The following PDE11A variants were observed in gnomAD, a reference collection of about 807,000 sequenced individuals.
The protein encoded by PDE11A is phosphodiesterase 11A.
Under a neutral mutation model 100.5 loss-of-function variants are expected in PDE11A, and 100 were observed. That is an observed-to-expected ratio of 1.00 (90% CI 0.85 to 1.18). The LOEUF (loss-of-function observed/expected upper bound fraction) is 1.18, where lower values mean the gene tolerates loss of function less well. Among genes scored for constraint, PDE11A ranks in the 50% most tolerant of loss-of-function variants. The pLI is 0.00. For synonymous variants in PDE11A, 381 were observed against 420.8 expected, an observed-to-expected ratio of 0.91 and a Z score of 1.16; for missense variants, 1,141 against 1,152.6, an observed-to-expected ratio of 0.99 and a Z score of 0.15.
intron 2 of PDE11A, among the ~76,000 whole-genome samples, chr2:178,089,133 C>G (rs2087391309): frequency 6.6e-6 from 1 of 152,108 alleles, no homozygotes; most frequent in African/African-American, 2.4e-5. Flanking sequence ...GGAATTAGGC[C>G]TTCCACAATT....
intron 15 of PDE11A, among the ~76,000 whole-genome samples, chr2:177,686,305 G>C (rs372477241): frequency 5.3e-5 from 8 of 152,176 alleles, no homozygotes; most frequent in African/African-American, 1.7e-4. Flanking sequence ...AGTGGGTCAC[G>C]CCTGTAATCC....
rs370430282 is a variant in PDE11A, at chr2:178,024,059, G to C, written c.913-9599C>G. On this transcript the variant is annotated intron_variant, in intron 1 of 19. Transcript: ENST00000286063. Reference sequence around the variant, plus strand: ...TGGTAGGGGGAGGGGCCCTGGAGGGGATCTGACTTCTGGCTGTTTGTCAGG... The same window carrying C: ...TGGTAGGGGGAGGGGCCCTGGAGGGCATCTGACTTCTGGCTGTTTGTCAGG... 2.6e-5 allele frequency among the ~76,000 whole-genome samples: 4 copies of C among 152,216 alleles called. No individual in the cohort carries two copies. The East Asian group carries it at 7.7e-4, about 29-fold the overall frequency.
intron 5 of PDE11A, among the ~76,000 whole-genome samples, chr2:177,858,398 C>T (rs1292502259): frequency 3.1e-4 from 43 of 136,980 alleles, no homozygotes; most frequent in Non-Finnish European, 6.0e-4. Context: ...AACAAATTTA[C>T]AAGAAAAAAA....
At chr2:177,753,434 G>T (rs548560029) in intron 10 of PDE11A, among the ~76,000 whole-genome samples, 72 of 152,136 alleles carry the variant, frequency 4.7e-4, no homozygotes, top group Non-Finnish European at 9.6e-4. Flanking sequence ...AGGTCCACAT[G>T]AAGGAGAAAT....
Position 177,985,823 on chromosome 2 carries a change from G to T in PDE11A, c.1071+28479C>A, listed in dbSNP as rs190051364. Among the ~76,000 whole-genome samples the T allele has an allele frequency of 2.1e-3, 325 of 152,312 alleles. 2 individuals carry two copies. Among genetic ancestry groups the T allele is most frequent in the African/African-American group, 7.4e-3 (308 of 41,572 alleles). On this transcript the variant is annotated intron_variant, in intron 2 of 19. Coordinates refer to ENST00000286063, the MANE Select transcript of PDE11A (RefSeq NM_016953.4). ...AGAGTTTTATAAATTGCTATGTGAA[G>T]AGCAGAACAATGCGCAAGTGCTTGC...
intron 14 of PDE11A, among the ~76,000 whole-genome samples, chr2:177,699,210 A>G (rs1408634137): frequency 6.6e-6 from 1 of 152,182 alleles, no homozygotes; most frequent in Non-Finnish European, 1.5e-5. Context: ...GGGATAGCCT[A>G]TTGCTTCTAG....
intron 6 of PDE11A, among the ~76,000 whole-genome samples, chr2:177,835,197 T>A (rs1185446567): frequency 6.6e-6 from 1 of 152,130 alleles, no homozygotes. Flanking sequence ...GAAACACCTC[T>A]TCTTTCTCTG....
At chr2:177,921,243 G>T (rs375134878) in intron 2 of PDE11A, among the ~76,000 whole-genome samples, 6 of 151,364 alleles carry the variant, frequency 4.0e-5, no homozygotes, top group Admixed American at 2.0e-4. Flanking sequence ...TATTGCCTCT[G>T]CATGTAACTA....
chr2:177,719,877 A>G (rs2081499966), intron 12 of PDE11A, among the ~76,000 whole-genome samples: 1 of 152,088 alleles, frequency 6.6e-6, no homozygotes, highest in Non-Finnish European at 1.5e-5. Flanking sequence ...CATCTTAACA[A>G]CAAAAAAAAA....
At chr2:177,845,545 G>T (rs2083577660) in intron 5 of PDE11A, among the ~76,000 whole-genome samples, 1 of 151,728 alleles carries the variant, frequency 6.6e-6, no homozygotes, top group Non-Finnish European at 1.5e-5. Context: ...TCACTTTCCA[G>T]ACTGGGCAGC....
At chr2:177,800,747 C>T (rs1347361272) in intron 9 of PDE11A, among the ~76,000 whole-genome samples, 1 of 152,108 alleles carries the variant, frequency 6.6e-6, no homozygotes, top group Admixed American at 6.6e-5. Context: ...AAGAATATTC[C>T]ATCTCAGCCT....
chr2:177,843,488 C>T (rs2083524385), intron 5 of PDE11A, among the ~76,000 whole-genome samples: 1 of 152,164 alleles, frequency 6.6e-6, no homozygotes, highest in Non-Finnish European at 1.5e-5. Context: ...TAATTAAGAG[C>T]TTTAGGTCCC....
intron 9 of PDE11A, among the ~76,000 whole-genome samples, chr2:177,781,638 A>G (rs925640346): frequency 6.6e-6 from 1 of 151,960 alleles, no homozygotes; most frequent in African/African-American, 2.4e-5. Context: ...AGTAGCTGGG[A>G]CTACAGGTGC....
chr2:178,096,169 C>CTTTTTT (rs71010857), intron 2 of PDE11A, among the ~76,000 whole-genome samples: 2 of 120,108 alleles, frequency 1.7e-5, no homozygotes, highest in African/African-American at 6.5e-5. Flanking sequence ...CTTTTCTTTT[C>CTTTTTT]TTTTTTTTTT....
intron 2 of PDE11A, among the ~76,000 whole-genome samples, chr2:177,921,188 G>T (rs2085039330): frequency 1.3e-5 from 2 of 149,804 alleles, no homozygotes; most frequent in Admixed American, 1.3e-4. Context: ...CAGAAACGTA[G>T]CATATTTGTA....
chr2:177,826,401 T>A (rs2083226195), intron 6 of PDE11A, among the ~76,000 whole-genome samples: 1 of 152,212 alleles, frequency 6.6e-6, no homozygotes, highest in African/African-American at 2.4e-5. Context: ...ACTTTAACAA[T>A]AATCTAAAGC....
chr2:177,761,556 G>A (rs2082170211), intron 10 of PDE11A, among the ~76,000 whole-genome samples: 1 of 152,164 alleles, frequency 6.6e-6, no homozygotes. Flanking sequence ...TGAGTAGACA[G>A]GTGCACCAAG....
chr2:178,038,510 T>C (rs1446188282), intron 1 of PDE11A, among the ~76,000 whole-genome samples: 2 of 151,768 alleles, frequency 1.3e-5, no homozygotes, highest in South Asian at 4.1e-4. Context: ...TCAGAATATA[T>C]ATGTATATAA....
At chr2:178,017,707 T>C (rs1281145471) in intron 1 of PDE11A, among the ~76,000 whole-genome samples, 3 of 152,302 alleles carry the variant, frequency 2.0e-5, no homozygotes, top group South Asian at 4.1e-4. Context: ...ACGCCTGTAA[T>C]CTCAGCACGT....
Sources: allele counts gnomAD v4.1 joint callset (sites outside exome capture counted in the v4.1 genomes callset), GRCh38; gene constraint gnomAD v4.1.1; transcripts MANE v1.5; gene names NCBI Gene and HGNC (gene_info 2026-07-23, HGNC 2026-07-21).